Variants in KL observed in about 807,000 individuals in gnomAD.
KL encodes alpha-klotho.
Under a neutral mutation model 84.2 loss-of-function variants are expected in KL, and 62 were observed. That is an observed-to-expected ratio of 0.74 (90% confidence interval 0.60 to 0.91). KL has a LOEUF of 0.91. KL is among the 40% of genes least tolerant of loss of function. KL has a pLI of 0.00. For missense variants in KL, 1,261 were observed against 1,305.7 expected, an observed-to-expected ratio of 0.97 and a Z score of 0.53; for synonymous variants, 528 against 528.0, an observed-to-expected ratio of 1.00 and a Z score of 0.00.
intron 1 of KL, among the ~76,000 whole-genome samples, chr13:33,018,902 G>C (rs1870470334): frequency 6.6e-6 from 1 of 152,172 alleles, no homozygotes; most frequent in Admixed American, 6.5e-5. Flanking sequence ...TTTATTATAA[G>C]ATAAAGACTT....
intron 1 of KL, among the ~76,000 whole-genome samples, chr13:33,030,122 G>T (rs1012437064): frequency 2.0e-5 from 3 of 152,058 alleles, no homozygotes; most frequent in Non-Finnish European, 4.4e-5. Context: ...CTGAGATATT[G>T]AACCCACTTC....
chr13:33,060,564 C>A, intron 3 of KL, 115 bp from the exon 4 acceptor site: 3 of 1,156,156 alleles, frequency 2.6e-6, no homozygotes, highest in East Asian at 4.7e-5. Flanking sequence ...ACATTCTCAG[C>A]TAGAAAGGCT....
At chr13:33,033,481 C>T (rs1871045933) in intron 1 of KL, among the ~76,000 whole-genome samples, 1 of 152,178 alleles carries the variant, frequency 6.6e-6, no homozygotes, top group South Asian at 2.1e-4. Flanking sequence ...CGCTGCCCCA[C>T]GCCATCCAGC....
At chr13:33,035,074 A>C (rs186945562) in intron 1 of KL, among the ~76,000 whole-genome samples, 1 of 152,348 alleles carries the variant, frequency 6.6e-6, no homozygotes, top group African/African-American at 2.4e-5. Context: ...CTGCTACCAC[A>C]AAAAGGCAAA....
At chr13:33,037,550 C>T (rs1413805682) in intron 1 of KL, among the ~76,000 whole-genome samples, 1 of 152,028 alleles carries the variant, frequency 6.6e-6, no homozygotes, top group Admixed American at 6.6e-5. Context: ...GTATCCATGC[C>T]TTTTGTCATG....
chr13:33,033,134 G>C (rs1306751061), intron 1 of KL, among the ~76,000 whole-genome samples: 2 of 152,172 alleles, frequency 1.3e-5, no homozygotes, highest in African/African-American at 4.8e-5. Flanking sequence ...TTTCAATTCA[G>C]ATCTCTCTTT....
Position 33,060,997 on chromosome 13 carries a change from C to T in KL, c.1918C>T (p.Pro640Ser), listed in dbSNP as rs1241590084. 4 of 1,612,906 alleles carry T rather than the reference C, an allele frequency of 2.5e-6. No homozygotes were observed. Among genetic ancestry groups the T allele is most frequent in the Non-Finnish European group, 3.4e-6 (4 of 1,179,136 alleles). The change falls in exon 4 of 5, where the codon CCT (proline) becomes TCT (serine). Residue 640 changes from proline to serine, a missense_variant. By Grantham distance (74) the Pro-to-Ser change is moderately conservative. Coordinates refer to ENST00000380099, the MANE Select transcript of KL (RefSeq NM_004795.4). The part of the protein sequence containing the change: ...NITPVVALWQ[P>S]MAPNQGLPRL... ...CACCCCAGTGGTGGCCCTGTGGCAG[C>T]CTATGGCCCCGAACCAAGGACTGCC...
In KL at chr13:33,044,640, C is replaced by CTTTTTTTT. The variant is rs71071071; in HGVS notation, c.820-9106_820-9099dup. ...TTCATATATAAATGCAATTGATTTT[C>CTTTTTTTT]TTTTTTTTTTTTTTTTTTTTTTTTT... On this transcript the variant is annotated intron_variant, in intron 1 of 4. Transcript: ENST00000380099. Among the ~76,000 whole-genome samples the CTTTTTTTT allele has an allele frequency of 4.2e-3, 219 of 52,752 alleles. 68 individuals are homozygous for CTTTTTTTT. The highest frequency in any genetic ancestry group is 9.6e-3 in the Admixed American group (29 of 3,010). 34.6% of individuals were successfully genotyped at this position (52,752 alleles called of 152,430 possible).
intron 1 of KL, among the ~76,000 whole-genome samples, chr13:33,037,916 C>A (rs1181777648): frequency 6.6e-6 from 1 of 152,144 alleles, no homozygotes; most frequent in African/African-American, 2.4e-5. Context: ...AGCATGTGAG[C>A]AATGTGTAAC....
At chr13:33,036,933 G>T (rs1871162921) in intron 1 of KL, among the ~76,000 whole-genome samples, 1 of 152,114 alleles carries the variant, frequency 6.6e-6, no homozygotes, top group African/African-American at 2.4e-5. Context: ...TTCTAAAGGA[G>T]ATCTAATCTC....
chr13:33,039,700 A>T (rs78750668), intron 1 of KL, among the ~76,000 whole-genome samples: 2,570 of 152,264 alleles, frequency 0.017, 75 homozygotes, highest in African/African-American at 0.058. Context: ...AGAAGAGGCA[A>T]GTCCAGAACA....
At position 33,017,222 on chromosome 13, in the gene KL, C is replaced by T. The variant is rs770828898; in HGVS notation, c.782C>T (p.Pro261Leu). Residue 261 changes from proline (P) to leucine (L), a missense_variant, in exon 1 of 5, where the codon CCG (proline) becomes CTG (leucine). Physicochemically the swap from Pro to Leu is moderately conservative, Grantham distance 98 (BLOSUM62 -3). Coordinates refer to ENST00000380099, the MANE Select transcript of KL (RefSeq NM_004795.4). Reference protein sequence around the residue: ...GRLAPGIRGSPRLGYLVAHNL... With the variant: ...GRLAPGIRGSLRLGYLVAHNL... ...CTGGCCCCCGGCATCCGGGGCAGCC[C>T]GCGGCTCGGGTACCTGGTGGCGCAC... The T allele has an allele frequency of 1.1e-5, 18 of 1,590,750 alleles. No homozygotes were observed. Among genetic ancestry groups the T allele is most frequent in the East Asian group, 2.2e-5 (1 of 44,606 alleles).
rs139933737 is a variant in KL at position 33,064,003 on chromosome 13, T to C, written c.2856T>C (p.Gly952=). ...KHYRKIIDSN[G]FPGPETLERF... is the part of the protein sequence containing the mutation. ...ACAGGAAAATTATTGACAGCAATGG[T>C]TTCCCGGGCCCAGAAACTCTGGAAA... is the stretch of plus-strand genomic sequence containing the variant. Residue 952 remains glycine (G), a synonymous_variant, in exon 5 of 5, where the codon GGT becomes GGC. Coordinates refer to ENST00000380099, the MANE Select transcript of KL (RefSeq NM_004795.4). 110 of 1,614,134 alleles carry C rather than the reference T, an allele frequency of 6.8e-5. No individual in the cohort carries two copies. In the East Asian group the frequency reaches 2.4e-3, roughly 35 times the overall value.
At chr13:33,040,151 T>A (rs1388013415) in intron 1 of KL, among the ~76,000 whole-genome samples, 1 of 152,202 alleles carries the variant, frequency 6.6e-6, no homozygotes, top group Non-Finnish European at 1.5e-5. Flanking sequence ...TGGGAAATTA[T>A]TTATGTGTTC....
In KL at chr13:33,061,637, G is replaced by A. The variant is rs763194957; in HGVS notation, c.2558G>A (p.Arg853His). ...SQVAVVPWGLRKVLNWLKFKY... is the reference protein window; with the variant it reads ...SQVAVVPWGLHKVLNWLKFKY... ...GTGGCGGTAGTGCCCTGGGGGTTGC[G>A]CAAAGTGCTGAACTGGCTGAAGTTC... The change falls in exon 4 of 5, where the codon CGC becomes CAC. Residue 853 changes from arginine to histidine, a missense_variant. Physicochemically the swap from Arg to His is conservative, Grantham distance 29. Coordinates refer to ENST00000380099, the MANE Select transcript of KL (RefSeq NM_004795.4). 14 of 1,614,052 alleles carry A rather than the reference G, an allele frequency of 8.7e-6. No homozygotes were observed. The highest frequency in any genetic ancestry group is 1.3e-5 in the African/African-American group (1 of 74,910).
chr13:33,064,116 T>C lies in KL; in HGVS notation c.2969T>C (p.Phe990Ser). The change falls in exon 5 of 5, where the codon TTT becomes TCT. Residue 990 changes from phenylalanine (F) to serine (S), a missense_variant. Physicochemically the swap from Phe to Ser is radical, Grantham distance 155 (BLOSUM62 -2). Transcript: ENST00000380099. ...KSLLAFIAFL[F>S]FASIISLSLI... is the part of the protein sequence containing the mutation. ...TTACTGGCTTTCATAGCTTTTCTATTTTTTGCTTCTATTATTTCTCTCTCC... is the reference window on the plus strand; with the variant it reads ...TTACTGGCTTTCATAGCTTTTCTATCTTTTGCTTCTATTATTTCTCTCTCC... 6.2e-7 allele frequency: 1 copy of C among 1,613,812 alleles called. No homozygotes were observed. The highest frequency in any genetic ancestry group is 8.5e-7 in the Non-Finnish European group (1 of 1,179,922).
chr13:33,023,133 A>C (rs1402702391), intron 1 of KL, among the ~76,000 whole-genome samples: 2 of 152,202 alleles, frequency 1.3e-5, no homozygotes, highest in Non-Finnish European at 2.9e-5. Flanking sequence ...ACTCAGTCAC[A>C]TGGTCAAAAG....
At chr13:33,035,442 G>C (rs777613209) in intron 1 of KL, among the ~76,000 whole-genome samples, 1 of 152,188 alleles carries the variant, frequency 6.6e-6, no homozygotes, top group African/African-American at 2.4e-5. Context: ...TGATATTGGA[G>C]AGTAGCTCTT....
intron 1 of KL, among the ~76,000 whole-genome samples, chr13:33,020,319 C>A (rs1459184822): frequency 6.6e-6 from 1 of 152,298 alleles, no homozygotes; most frequent in East Asian, 1.9e-4. Flanking sequence ...CTCCTCTCAG[C>A]TCCCTGGCGA....
Sources: allele counts gnomAD v4.1 joint callset (sites outside exome capture counted in the v4.1 genomes callset), GRCh38; gene constraint gnomAD v4.1.1; transcripts MANE v1.5; gene names NCBI Gene and HGNC (gene_info 2026-07-23, HGNC 2026-07-21).